GPR65: variants seen among roughly 807,000 people sequenced by gnomAD.
GPR65 encodes G protein-coupled receptor 65, also known as T-cell death-associated gene 8 protein.
In GPR65, 2 loss-of-function variants were observed where a neutral mutation model predicts 0.7. That is an observed-to-expected ratio of 2.83 (90% CI 1.16 to 8.92). GPR65 has a LOEUF of 8.92. Among genes scored for constraint, GPR65 ranks in the 30% most tolerant of loss-of-function variants. The pLI, the probability that GPR65 is intolerant of heterozygous loss-of-function variation, is 0.04. For synonymous variants in GPR65, 128 were observed against 146.5 expected (o/e 0.87, Z 0.91); for missense variants, 379 against 399.4 (o/e 0.95, Z 0.43).
At chr14:88,009,548 C>G (rs1887643034) in intron 1 of GPR65, among the ~76,000 whole-genome samples, 1 of 152,068 alleles carries the variant, frequency 6.6e-6, no homozygotes, top group Admixed American at 6.6e-5. Context: ...TTCTAGAAAG[C>G]TTTCTGTGAA....
At chr14:88,007,467 A>G (rs1375988272) in intron 1 of GPR65, among the ~76,000 whole-genome samples, 2 of 151,464 alleles carry the variant, frequency 1.3e-5, no homozygotes, top group Middle Eastern at 3.4e-3. Flanking sequence ...CTTTATCTCT[A>G]TCTTGCAATA....
At position 88,011,099 on chromosome 14, in the gene GPR65, T is replaced by G. The variant is rs148741118; in HGVS notation, c.252T>G (p.Pro84=). 4.7e-5 allele frequency: 76 copies of G among 1,614,038 alleles called. 2 individuals carry two copies. In the African/African-American group the frequency reaches 9.7e-4, roughly 21 times the overall value. The change falls in exon 2 of 2, where the codon CCT becomes CCG. Residue 84 remains proline (P), a synonymous_variant. Coordinates refer to ENST00000267549, the MANE Select transcript of GPR65 (RefSeq NM_003608.4). ...TWNKDNWTFS[P]ALCKGSAFLM... is the part of the protein sequence containing the mutation. Reference sequence around the variant, plus strand: ...ATAAAGACAACTGGACTTTCTCTCCTGCCTTGTGCAAAGGGAGTGCTTTTC... The same window carrying G: ...ATAAAGACAACTGGACTTTCTCTCCGGCCTTGTGCAAAGGGAGTGCTTTTC...
At position 88,011,149 on chromosome 14, in the gene GPR65, G is replaced by A; in HGVS notation, c.302G>A (p.Ser101Asn). ...AFLMYMNFYS[S>N]TAFLTCIAVD... Reference sequence around the variant, plus strand: ...CTCATGTACATGAATTTTTACAGCAGCACAGCATTCCTCACCTGCATTGCC... The same window carrying A: ...CTCATGTACATGAATTTTTACAGCAACACAGCATTCCTCACCTGCATTGCC... The change falls in exon 2 of 2, where the codon AGC becomes AAC. Residue 101 changes from serine (S) to asparagine (N), a missense_variant. By Grantham distance (46) the Ser-to-Asn change is conservative. Coordinates refer to ENST00000267549, the MANE Select transcript of GPR65 (RefSeq NM_003608.4). 3 of 1,613,834 alleles carry A rather than the reference G, an allele frequency of 1.9e-6. No homozygotes were observed. The highest frequency in any genetic ancestry group is 2.5e-6 in the Non-Finnish European group (3 of 1,179,838).
rs367995572 is a variant in GPR65, at chr14:88,014,254, T to C, written c.*2393T>C. 5.6e-4 allele frequency: 85 copies of C among 152,368 alleles called. No individual in the cohort carries two copies. The highest frequency in any genetic ancestry group is 1.9e-3 in the African/African-American group (77 of 41,588). The allele number at this position is 152,368 out of a possible 1,614,324, so 9.4% of individuals were successfully genotyped here. A position where few individuals can be genotyped will look rare whatever the true frequency, so the allele number is the denominator to read the frequency against. ...AAGTTGTCTAATTCTTGCAGGAATG[T>C]GGATATAGCATTAAAAATATGTCTT... On this transcript the variant is annotated 3_prime_UTR_variant, in exon 2 of 2. Coordinates refer to ENST00000267549, the MANE Select transcript of GPR65 (RefSeq NM_003608.4).
At chr14:88,008,587 T>G (rs1337167091) in intron 1 of GPR65, among the ~76,000 whole-genome samples, 1 of 152,190 alleles carries the variant, frequency 6.6e-6, no homozygotes, top group East Asian at 1.9e-4. Context: ...ATATTACAAG[T>G]AGTGTTACTG....
intron 1 of GPR65, among the ~76,000 whole-genome samples, chr14:88,008,750 T>C (rs1044132416): frequency 7.9e-5 from 12 of 152,184 alleles, no homozygotes; most frequent in Non-Finnish European, 1.6e-4. Context: ...ATGTTCTATT[T>C]CCTTCCTAAC....
Position 88,013,047 on chromosome 14 carries a change from C to CA in GPR65, c.*1186_*1187insA, listed in dbSNP as rs1887712375. The CA allele has an allele frequency of 7.5e-6, 1 of 133,320 alleles. No individual in the cohort carries two copies. Among genetic ancestry groups the CA allele is most frequent in the Non-Finnish European group, 1.6e-5 (1 of 63,112 alleles). The allele number at this position is 133,320 out of a possible 1,614,324, so 8.3% of individuals were successfully genotyped here. ...AGAATGTTAGAATATTTTGAGAGTTCTTTTTTTTTTTTTTTTTGAGTCAGA... is the reference window on the plus strand; with the variant it reads ...AGAATGTTAGAATATTTTGAGAGTTCATTTTTTTTTTTTTTTTTGAGTCAGA... On this transcript the variant is annotated 3_prime_UTR_variant, in exon 2 of 2. Coordinates refer to ENST00000267549, the MANE Select transcript of GPR65 (RefSeq NM_003608.4).
chr14:88,009,106 G>A, intron 1 of GPR65, among the ~76,000 whole-genome samples: 1 of 152,140 alleles, frequency 6.6e-6, no homozygotes, highest in Non-Finnish European at 1.5e-5. Flanking sequence ...AGAGGTTCTG[G>A]ATCCCATGTG....
chr14:88,005,302 C>T (rs1454506181), intron 1 of GPR65, 80 bp downstream of exon 1: 1 of 152,306 alleles, frequency 6.6e-6, no homozygotes, highest in Non-Finnish European at 1.5e-5. Flanking sequence ...ATGTTCGCAA[C>T]ATTCTTCCTG....
rs1887576380 is a variant in GPR65, at chr14:88,005,238, A to G, written c.-460+16A>G. ...AGAAATATGGGTAAGTATAAGATTA[A>G]AAAATAAAATAATATTTTAAAGTAG... On this transcript the variant is annotated intron_variant, in intron 1 of 1. Transcript: ENST00000267549. The G allele has an allele frequency of 6.6e-6, 1 of 152,196 alleles. No homozygotes were observed. The highest frequency in any genetic ancestry group is 2.4e-5 in the African/African-American group (1 of 41,450). The allele number at this position is 152,196 out of a possible 1,614,324, so 9.4% of individuals were successfully genotyped here. A position where few individuals can be genotyped will look rare whatever the true frequency, so the allele number is the denominator to read the frequency against.
At chr14:88,009,941 T>C (rs189404220) in intron 1 of GPR65, among the ~76,000 whole-genome samples, 1 of 152,342 alleles carries the variant, frequency 6.6e-6, no homozygotes, top group East Asian at 1.9e-4. Context: ...TAGTATTTCT[T>C]TGGATAATAA....
At position 88,010,942 on chromosome 14, in the gene GPR65, A is replaced by G. The variant is rs1223201212; in HGVS notation, c.95A>G (p.Asn32Ser). 4.3e-6 allele frequency: 7 copies of G among 1,612,588 alleles called. No individual in the cohort carries two copies. The South Asian group carries it at 7.7e-5, about 18-fold the overall frequency. ...GTGATTATAGTCAGCATTCCAGCCA[A>G]TATTGGATCTCTGTGTGTGTCTTTC... ...IFVIIVSIPA[N>S]IGSLCVSFLQ... The change falls in exon 2 of 2, where the codon AAT (asparagine) becomes AGT (serine). Residue 32 changes from asparagine to serine, a missense_variant. By Grantham distance (46) the Asn-to-Ser change is conservative. Coordinates refer to ENST00000267549, the MANE Select transcript of GPR65 (RefSeq NM_003608.4).
chr14:88,009,774 A>T (rs767601057), intron 1 of GPR65, among the ~76,000 whole-genome samples: 1 of 152,196 alleles, frequency 6.6e-6, no homozygotes, highest in Non-Finnish European at 1.5e-5. Flanking sequence ...GAATAAGAAC[A>T]TTCTGTCCTC....
In GPR65 at chr14:88,013,574, A is replaced by G. The variant is rs1887721244; in HGVS notation, c.*1713A>G. The G allele has an allele frequency of 6.6e-6, 1 of 152,170 alleles. No individual in the cohort carries two copies. Among genetic ancestry groups the G allele is most frequent in the South Asian group, 2.1e-4 (1 of 4,830 alleles). The allele number at this position is 152,170 out of a possible 1,614,324, so 9.4% of individuals were successfully genotyped here. ...ACATGAGGTGCCCTCACATTAAAAA[A>G]CAAAATATTGAGCCGGGCGCGGTGG... On this transcript the variant is annotated 3_prime_UTR_variant, in exon 2 of 2. Coordinates refer to ENST00000267549, the MANE Select transcript of GPR65 (RefSeq NM_003608.4).
rs1555385215 is a variant in GPR65, at chr14:88,007,784, CTGTGTGTA to C, written c.-460+2570_-460+2577del. On this transcript the variant is annotated intron_variant, in intron 1 of 1. Transcript: ENST00000267549. Reference sequence around the variant, plus strand: ...GACACGTAGTTGCTTATTATTCTCTCTGTGTGTATGTGTGTGTGTGTGTGTGTGTGTGT... The same window carrying C: ...GACACGTAGTTGCTTATTATTCTCTCTGTGTGTGTGTGTGTGTGTGTGTGT... 6.5e-3 allele frequency among the ~76,000 whole-genome samples: 742 copies of C among 114,014 alleles called. 7 individuals carry two copies. Among genetic ancestry groups the C allele is most frequent in the African/African-American group, 0.023 (628 of 27,728 alleles). The allele number at this position is 114,014 out of a possible 152,430, so 74.8% of individuals were successfully genotyped here.
rs1887672536 is a variant in GPR65, at chr14:88,011,155, C to T, written c.308C>T (p.Ala103Val). ...TACATGAATTTTTACAGCAGCACAG[C>T]ATTCCTCACCTGCATTGCCGTTGAT... Reference protein sequence around the residue: ...LMYMNFYSSTAFLTCIAVDRY... With the variant: ...LMYMNFYSSTVFLTCIAVDRY... Residue 103 changes from alanine (A) to valine (V), a missense_variant, in exon 2 of 2, where the codon GCA becomes GTA. By Grantham distance (64) the Ala-to-Val change is moderately conservative. Transcript: ENST00000267549. 2 of 1,613,676 alleles carry T rather than the reference C, an allele frequency of 1.2e-6. No individual in the cohort carries two copies. Among genetic ancestry groups the T allele is most frequent in the Non-Finnish European group, 8.5e-7 (1 of 1,179,710 alleles).
In GPR65 at chr14:88,010,704, A is replaced by G; in HGVS notation, c.-144A>G. 1.6e-6 allele frequency: 1 copy of G among 615,808 alleles called. No individual in the cohort carries two copies. The highest frequency in any genetic ancestry group is 2.1e-5 in the South Asian group (1 of 48,364). 38.1% of individuals were successfully genotyped at this position (615,808 alleles called of 1,614,324 possible). On this transcript the variant is annotated 5_prime_UTR_variant, in exon 2 of 2. It removes the in-frame stop codon of an upstream open reading frame in the 5' UTR. Coordinates refer to ENST00000267549, the MANE Select transcript of GPR65 (RefSeq NM_003608.4). ...CACCCTTTAAAAGCATTGATGAATT[A>G]ATTAGAACTTTAGACAACAAAGAAA...
Position 88,011,649 on chromosome 14 carries a change from AC to A in GPR65, c.803del (p.Thr268IlefsTer11). The A allele has an allele frequency of 6.2e-7, 1 of 1,613,968 alleles. No homozygotes were observed. On this transcript the variant is annotated frameshift_variant, in exon 2 of 2. Coordinates refer to ENST00000267549, the MANE Select transcript of GPR65 (RefSeq NM_003608.4). LOFTEE classifies it high-confidence loss of function. Reference sequence around the variant, plus strand: ...AGACCACAGCAATTCTGGGAAGCGAACTTACACAATGTATAGAATCACGGTT... The same window carrying A: ...AGACCACAGCAATTCTGGGAAGCGAATTACACAATGTATAGAATCACGGTT... ...FEDHSNSGKR[T>X]YTMYRITVAL...
In GPR65 at chr14:88,012,029, C is replaced by T. The variant is rs1395042926; in HGVS notation, c.*168C>T. 2 of 526,514 alleles carry T rather than the reference C, an allele frequency of 3.8e-6. No individual in the cohort carries two copies. The highest frequency in any genetic ancestry group is 3.8e-5 in the African/African-American group (2 of 52,102). The allele number at this position is 526,514 out of a possible 1,614,324, so 32.6% of individuals were successfully genotyped here. A position where few individuals can be genotyped will look rare whatever the true frequency, so the allele number is the denominator to read the frequency against. On this transcript the variant is annotated 3_prime_UTR_variant, in exon 2 of 2. Coordinates refer to ENST00000267549, the MANE Select transcript of GPR65 (RefSeq NM_003608.4). ...TTAAAACTGCATTGTACAGCTCCCT[C>T]CCTGCGTTTTATTAAATGATGTATA...
Sources: gnomAD v4.1 joint callset for allele counts (sites outside exome capture counted in the v4.1 genomes callset) on GRCh38, gnomAD v4.1.1 for gene constraint, MANE v1.5 for transcripts, NCBI Gene and HGNC (gene_info 2026-07-23, HGNC 2026-07-21) for gene names.